TAF15: variants seen among roughly 807,000 people sequenced by gnomAD.
The protein encoded by TAF15 is TATA-binding protein-associated factor 2N.
A neutral mutation model predicts 102.5 loss-of-function variants in TAF15; 37 were observed. That is an observed-to-expected ratio of 0.36 (90% CI 0.28 to 0.47). The LOEUF (loss-of-function observed/expected upper bound fraction) is 0.47, where lower values mean the gene tolerates loss of function less well. Among genes scored for constraint, TAF15 ranks in the 20% least tolerant of loss-of-function variants. TAF15 has a pLI of 0.99. For synonymous variants in TAF15, 273 were observed against 259.2 expected (o/e 1.05, Z -0.51); for missense variants, 652 against 760.7 (o/e 0.86, Z 1.68).
At position 35,838,507 on chromosome 17, in the gene TAF15, AT is replaced by A; in HGVS notation, c.870del (p.Phe290LeufsTer36). ...AGCCAAAGGGGGAGGCAACAGTGTC[AT>A]TTGATGACCCTCCTTCAGCTAAGGC... ...GKPKGEATVS[F>X]DDPPSAKAAI... On this transcript the variant is annotated frameshift_variant, in exon 11 of 16. Coordinates refer to ENST00000605844, the MANE Select transcript of TAF15 (RefSeq NM_139215.3). LOFTEE classifies it high-confidence loss of function. 6.2e-7 allele frequency: 1 copy of A among 1,614,200 alleles called. No homozygotes were observed. The highest frequency in any genetic ancestry group is 8.5e-7 in the Non-Finnish European group (1 of 1,180,032).
chr17:35,822,469 C>CT (rs1212785496), intron 5 of TAF15, among the ~76,000 whole-genome samples, 171 bp from the exon 6 acceptor site: 9 of 152,036 alleles, frequency 5.9e-5, no homozygotes, highest in African/African-American at 2.2e-4. Flanking sequence ...GCAGAATCGT[C>CT]TTTCGCAGGG....
intron 7 of TAF15, among the ~76,000 whole-genome samples, chr17:35,829,169 A>G (rs1166348279): frequency 6.6e-6 from 1 of 152,150 alleles, no homozygotes; most frequent in African/African-American, 2.4e-5. Flanking sequence ...CAAGCACAGC[A>G]TGGGTTTTTA....
intron 11 of TAF15, among the ~76,000 whole-genome samples, chr17:35,839,369 A>ATTTT (rs1250423932): frequency 1.1e-5 from 1 of 93,890 alleles, no homozygotes; most frequent in African/African-American, 4.9e-5. Context: ...GAAGAAATAG[A>ATTTT]CTTTTTTTTT....
At chr17:35,822,506 T>C (rs1052215613) in intron 5 of TAF15, 134 bp from the exon 6 acceptor site, 4 of 773,398 alleles carry the variant, frequency 5.2e-6, no homozygotes, top group Middle Eastern at 3.7e-4. Flanking sequence ...AGATAACTAA[T>C]TACCATGAGA....
intron 2 of TAF15, among the ~76,000 whole-genome samples, chr17:35,819,634 G>A (rs920169044): frequency 3.3e-5 from 5 of 152,270 alleles, no homozygotes; most frequent in Middle Eastern, 3.4e-3. Context: ...ATTAAATTGA[G>A]TAAGGTGTTC....
At chr17:35,823,088 G>A (rs1370019213) in intron 6 of TAF15, among the ~76,000 whole-genome samples, 3 of 152,114 alleles carry the variant, frequency 2.0e-5, no homozygotes, top group Non-Finnish European at 4.4e-5. Flanking sequence ...TCTGATCCTT[G>A]ACAATACTGC....
At chr17:35,842,326 A>T in intron 11 of TAF15, 41 bp from the exon 12 acceptor site, 1 of 1,468,088 alleles carries the variant, frequency 6.8e-7, no homozygotes, top group Non-Finnish European at 9.5e-7. Context: ...AGGTGGAGGT[A>T]TAGAGTAGCA....
intron 11 of TAF15, 105 bp downstream of exon 11, chr17:35,838,658 T>C (rs2087504681): frequency 6.5e-7 from 1 of 1,540,968 alleles, no homozygotes; most frequent in Non-Finnish European, 8.9e-7. Flanking sequence ...ATGTTTACTT[T>C]TGCAGATATT....
rs201148180 is a variant in TAF15 at position 35,846,964 on chromosome 17, C to G, written c.*19C>G. 5.0e-6 allele frequency: 8 copies of G among 1,613,446 alleles called. No individual in the cohort carries two copies. The South Asian group carries it at 8.8e-5, about 18-fold the overall frequency. On this transcript the variant is annotated 3_prime_UTR_variant, in exon 16 of 16. Transcript: ENST00000605844. ...ATACTGATGACTGTTTTGAATGTTC[C>G]TTTGTCTCTGACATGATCCATAGTG... is the stretch of plus-strand genomic sequence containing the variant.
At chr17:35,823,353 G>C (rs1379871309) in intron 6 of TAF15, among the ~76,000 whole-genome samples, 1 of 152,116 alleles carries the variant, frequency 6.6e-6, no homozygotes, top group Non-Finnish European at 1.5e-5. Context: ...GTTATTCCTT[G>C]TCCATGCTCA....
At chr17:35,836,693 A>G (rs2087479064) in intron 10 of TAF15, among the ~76,000 whole-genome samples, 1 of 152,166 alleles carries the variant, frequency 6.6e-6, no homozygotes, top group South Asian at 2.1e-4. Flanking sequence ...TCATCTCTTC[A>G]ACTAGAAAGC....
intron 1 of TAF15, among the ~76,000 whole-genome samples, chr17:35,814,317 C>G (rs2087166509): frequency 6.6e-6 from 1 of 151,976 alleles, no homozygotes; most frequent in South Asian, 2.1e-4. Flanking sequence ...AGGTGCCCAC[C>G]ACCACCACGT....
rs770998506 is a variant in TAF15 at position 35,844,881 on chromosome 17, C to T, written c.1582C>T (p.Arg528Trp). ...DRGGYGGDRS[R>W]GGYGGDRGGG... is the part of the protein sequence containing the mutation. ...AGGAGGCTATGGAGGAGACAGAAGC[C>T]GGGGGGGCTATGGAGGAGACCGTGG... Residue 528 changes from arginine to tryptophan, a missense_variant, in exon 15 of 16, where the codon CGG becomes TGG. Physicochemically the swap from Arg to Trp is moderately radical, Grantham distance 101. Around this residue, in one of 3 missense-constraint regions of TAF15, gnomAD observed 368 missense variants for 367.5 expected, o/e 1.00. Transcript: ENST00000605844. 14 of 1,601,322 alleles carry T rather than the reference C, an allele frequency of 8.7e-6. No homozygotes were observed. Among genetic ancestry groups the T allele is most frequent in the East Asian group, 2.3e-5 (1 of 44,170 alleles).
At chr17:35,820,097 A>G in intron 3 of TAF15, 22 bp downstream of exon 3, 4 of 1,613,918 alleles carry the variant, frequency 2.5e-6, no homozygotes, top group Middle Eastern at 1.6e-4. Context: ...TATAAATTGT[A>G]TTCTTCATAA....
Position 35,809,494 on chromosome 17 carries a change from C to A in TAF15, c.-76C>A, listed in dbSNP as rs1361814907. The stretch of plus-strand genomic sequence containing the variant: ...CGCCGCGCCGCCCTCAGTACAGCTC[C>A]GGCCGCCGCGCCGCCTGGCTTTCGT... On this transcript the variant is annotated 5_prime_UTR_variant, in exon 1 of 16. Transcript: ENST00000605844. 3.1e-6 allele frequency: 5 copies of A among 1,603,264 alleles called. No individual in the cohort carries two copies. Among genetic ancestry groups the A allele is most frequent in the Non-Finnish European group, 3.4e-6 (4 of 1,175,370 alleles).
At chr17:35,834,986 C>T (rs1021821552) in intron 9 of TAF15, among the ~76,000 whole-genome samples, 23 of 151,796 alleles carry the variant, frequency 1.5e-4, no homozygotes, top group Admixed American at 2.6e-4. Context: ...CCTCGAGATC[C>T]GCCTGTCTCA....
intron 10 of TAF15, among the ~76,000 whole-genome samples, chr17:35,837,592 C>A (rs1340160956): frequency 6.6e-6 from 1 of 151,990 alleles, no homozygotes; most frequent in Non-Finnish European, 1.5e-5. Context: ...CTTTGGGAGG[C>A]CAAGGCGGGT....
At chr17:35,824,040 A>C in intron 6 of TAF15, 38 bp from the exon 7 acceptor site, 1 of 1,613,898 alleles carries the variant, frequency 6.2e-7, no homozygotes, top group South Asian at 1.1e-5. Context: ...TTTAGAAATG[A>C]GAGTGGTTAT....
chr17:35,818,776 T>C (rs374340114), intron 2 of TAF15: 1 of 151,504 alleles, frequency 6.6e-6, no homozygotes, highest in African/African-American at 2.4e-5. Flanking sequence ...ACCATGCCAC[T>C]GCACTCCAGC....
Sources: gnomAD v4.1 joint callset for allele counts (sites outside exome capture counted in the v4.1 genomes callset) on GRCh38, gnomAD v4.1.1 for gene constraint, gnomAD v4.1.1 regional missense constraint, MANE v1.5 for transcripts, NCBI Gene and HGNC (gene_info 2026-07-23, HGNC 2026-07-21) for gene names.